TBX19: variants seen among roughly 807,000 people sequenced by gnomAD.
TBX19 encodes the protein T-box transcription factor 19, also known as T-box transcription factor TBX19.
Under a neutral mutation model 40.9 loss-of-function variants are expected in TBX19, and 33 were observed. That is an observed-to-expected ratio of 0.81 (90% confidence interval 0.61 to 1.08). The LOEUF (loss-of-function observed/expected upper bound fraction) is 1.08. Among genes scored for constraint, TBX19 ranks in the 50% least tolerant of loss-of-function variants. TBX19 has a pLI of 0.00. For synonymous variants in TBX19, 220 were observed against 225.0 expected, an observed-to-expected ratio of 0.98 and a Z score of 0.20; for missense variants, 494 against 574.0, an observed-to-expected ratio of 0.86 and a Z score of 1.42.
At chr1:168,286,168 C>G (rs1393144925) in intron 1 of TBX19, among the ~76,000 whole-genome samples, 1 of 152,208 alleles carries the variant, frequency 6.6e-6, no homozygotes, top group Non-Finnish European at 1.5e-5. Context: ...ATTAATCATT[C>G]TACCATTTCC....
At chr1:168,295,376 A>G (rs1649080120) in intron 3 of TBX19, among the ~76,000 whole-genome samples, 1 of 152,218 alleles carries the variant, frequency 6.6e-6, no homozygotes, top group South Asian at 2.1e-4. Context: ...CACTCAGCCA[A>G]CTGAGTCAGA....
intron 1 of TBX19, among the ~76,000 whole-genome samples, chr1:168,282,715 A>C (rs996203577): frequency 6.6e-6 from 1 of 152,212 alleles, no homozygotes; most frequent in African/African-American, 2.4e-5. Flanking sequence ...AAATGGGCAA[A>C]GATGCAACTG....
chr1:168,297,781 G>T lies in TBX19; in HGVS notation c.661G>T (p.Glu221Ter). The T allele has an allele frequency of 1.9e-6, 3 of 1,613,470 alleles. No homozygotes were observed. The highest frequency in any genetic ancestry group is 2.5e-6 in the Non-Finnish European group (3 of 1,179,522). ...PFAKAFLDAK[E>*]RNHLRDVPEA... is the part of the protein sequence containing the mutation. ...TGCCAAAGCCTTCTTGGATGCCAAG[G>T]AAAGGTAAGTAAAGAAATTTTAGTG... The change falls in exon 4 of 8, where the codon GAA (glutamate) becomes TAA (stop). Residue 221 changes from glutamate (E) to a stop codon, truncating the protein, a stop_gained. Transcript: ENST00000367821. LOFTEE classifies it high-confidence loss of function.
chr1:168,288,547 C>T (rs544575120), intron 1 of TBX19, among the ~76,000 whole-genome samples: 1 of 152,224 alleles, frequency 6.6e-6, no homozygotes, highest in South Asian at 2.1e-4. Flanking sequence ...ATAAAACAAA[C>T]AAAAGTGTCT....
At chr1:168,303,484 A>G (rs1649326715) in intron 5 of TBX19, among the ~76,000 whole-genome samples, 1 of 152,202 alleles carries the variant, frequency 6.6e-6, no homozygotes, top group Non-Finnish European at 1.5e-5. Flanking sequence ...CTGGTTGCAC[A>G]AAAAGATGTT....
chr1:168,291,107 T>TTA, intron 1 of TBX19, 53 bp from the exon 2 acceptor site: 2 of 1,611,604 alleles, frequency 1.2e-6, no homozygotes, highest in Non-Finnish European at 1.7e-6. Flanking sequence ...CTGGACAAGG[T>TTA]GAGAGTTCCT....
chr1:168,312,857 C>G lies in TBX19; in HGVS notation c.1202C>G (p.Thr401Ser). The change falls in exon 8 of 8, where the codon ACT becomes AGT. Residue 401 changes from threonine (T) to serine (S), a missense_variant. Around this residue, in one of 3 missense-constraint regions of TBX19, gnomAD observed 284 missense variants for 307.3 expected, o/e 0.92. Coordinates refer to ENST00000367821, the MANE Select transcript of TBX19 (RefSeq NM_005149.3). ...TCTGTGCTCTCCACCCAAGCACCCA[C>G]TTCGGCTGGTGTGGAGGTTCTGGGG... ...PPSVLSTQAP[T>S]SAGVEVLGEP... is the part of the protein sequence containing the mutation. The G allele has an allele frequency of 1.2e-6, 2 of 1,614,278 alleles. No individual in the cohort carries two copies. Among genetic ancestry groups the G allele is most frequent in the Non-Finnish European group, 1.7e-6 (2 of 1,180,056 alleles).
chr1:168,283,084 C>G (rs1023562685), intron 1 of TBX19, among the ~76,000 whole-genome samples: 1 of 152,204 alleles, frequency 6.6e-6, no homozygotes, highest in Non-Finnish European at 1.5e-5. Context: ...GTGGTGTGCT[C>G]CTGTTGTCCC....
At chr1:168,296,921 T>C (rs2102356806) in intron 3 of TBX19, among the ~76,000 whole-genome samples, 1 of 152,312 alleles carries the variant, frequency 6.6e-6, no homozygotes, top group Middle Eastern at 3.4e-3. Flanking sequence ...AAATATTTAT[T>C]TACTCAACAA....
intron 1 of TBX19, among the ~76,000 whole-genome samples, chr1:168,287,596 G>A (rs1311270696): frequency 6.6e-6 from 1 of 151,748 alleles, no homozygotes; most frequent in Non-Finnish European, 1.5e-5. Context: ...ACCACACCCA[G>A]CCCCAAATGA....
At chr1:168,294,967 T>G (rs1315595952) in intron 3 of TBX19, among the ~76,000 whole-genome samples, 1 of 152,152 alleles carries the variant, frequency 6.6e-6, no homozygotes, top group Non-Finnish European at 1.5e-5. Flanking sequence ...TTATCAATCT[T>G]TGTCATCTTT....
At chr1:168,286,232 A>C (rs1648802355) in intron 1 of TBX19, among the ~76,000 whole-genome samples, 1 of 152,236 alleles carries the variant, frequency 6.6e-6, no homozygotes, top group Non-Finnish European at 1.5e-5. Flanking sequence ...TGTTTTTATT[A>C]ACAGCTTTGT....
At chr1:168,296,771 G>T (rs1220945830) in intron 3 of TBX19, among the ~76,000 whole-genome samples, 1 of 152,172 alleles carries the variant, frequency 6.6e-6, no homozygotes, top group African/African-American at 2.4e-5. Flanking sequence ...CACTTTGGGA[G>T]GCTGAGGCAG....
chr1:168,284,676 T>A (rs1648760423), intron 1 of TBX19, among the ~76,000 whole-genome samples: 1 of 145,544 alleles, frequency 6.9e-6, no homozygotes, highest in Non-Finnish European at 1.5e-5. Context: ...CTTGGGAGGC[T>A]GAGGTGGGAG....
At chr1:168,297,123 G>A (rs941169365) in intron 3 of TBX19, among the ~76,000 whole-genome samples, 1 of 152,180 alleles carries the variant, frequency 6.6e-6, no homozygotes, top group Admixed American at 6.5e-5. Flanking sequence ...TACGTCAGAT[G>A]TCTCTAATGA....
In TBX19 at chr1:168,291,122, C is replaced by A. The variant is rs374135303; in HGVS notation, c.204-38C>A. On this transcript the variant is annotated intron_variant, in intron 1 of 7. Transcript: ENST00000367821. ...CTGGACAAGGTGAGAGTTCCTCTAA[C>A]GTCCCTCCTGTGGCTAAGTTTCTGC... 3.1e-6 allele frequency: 5 copies of A among 1,613,312 alleles called. No individual in the cohort carries two copies. The East Asian group carries it at 8.9e-5, about 29-fold the overall frequency.
At position 168,291,349 on chromosome 1, in the gene TBX19, T is replaced by C; in HGVS notation, c.393T>C (p.Phe131=). Residue 131 remains phenylalanine (F), a synonymous_variant, in exon 2 of 8, where the codon TTT becomes TTC. Coordinates refer to ENST00000367821, the MANE Select transcript of TBX19 (RefSeq NM_005149.3). ...CVYIHPDSPN[F]GAHWMKAPIS... ...ACATTCACCCGGACTCCCCCAACTT[T>C]GGGGCCCACTGGATGAAAGCTCCCA... 6.2e-7 allele frequency: 1 copy of C among 1,614,164 alleles called. No individual in the cohort carries two copies. The highest frequency in any genetic ancestry group is 8.5e-7 in the Non-Finnish European group (1 of 1,180,026).
Position 168,305,076 on chromosome 1 carries a change from G to A in TBX19, c.796G>A (p.Ala266Thr), listed in dbSNP as rs368059098. Reference protein sequence around the residue: ...TAGNSNYQYAAPLPLPAPHTH... With the variant: ...TAGNSNYQYATPLPLPAPHTH... ...AGGAAACTCCAATTACCAGTATGCC[G>A]CTCCTCTGCCTCTGCCTGCTCCCCA... is the stretch of plus-strand genomic sequence containing the variant. Residue 266 changes from alanine (A) to threonine (T), a missense_variant, in exon 6 of 8, where the codon GCT (alanine) becomes ACT (threonine). Around this residue, in one of 3 missense-constraint regions of TBX19, gnomAD observed 284 missense variants for 307.3 expected, o/e 0.92. Transcript: ENST00000367821. The A allele has an allele frequency of 2.8e-5, 45 of 1,613,948 alleles. No homozygotes were observed. Among genetic ancestry groups the A allele is most frequent in the Admixed American group, 2.2e-4 (13 of 59,994 alleles).
chr1:168,305,623 A>G (rs1649387604), intron 6 of TBX19, among the ~76,000 whole-genome samples: 1 of 152,242 alleles, frequency 6.6e-6, no homozygotes, highest in Non-Finnish European at 1.5e-5. Flanking sequence ...GGGAATTATT[A>G]GGAAGGTCTC....
Sources: gnomAD v4.1 joint callset for allele counts (sites outside exome capture counted in the v4.1 genomes callset) on GRCh38, gnomAD v4.1.1 for gene constraint, gnomAD v4.1.1 regional missense constraint, MANE v1.5 for transcripts, NCBI Gene and HGNC (gene_info 2026-07-23, HGNC 2026-07-21) for gene names.